Variants in SHISA6 observed in about 807,000 individuals in gnomAD.
SHISA6 encodes the protein shisa family member 6, also known as protein shisa-6.
Under a neutral mutation model 47.9 loss-of-function variants are expected in SHISA6, and 22 were observed. The observed-to-expected ratio is 0.46, with a 90% CI of 0.33 to 0.66. SHISA6 has a LOEUF of 0.66. Ranked by LOEUF, SHISA6 falls within the 30% of genes least tolerant of loss-of-function variation. The pLI is 0.02. For synonymous variants in SHISA6, 388 were observed against 337.8 expected, an observed-to-expected ratio of 1.15 and a Z score of -1.63; for missense variants, 680 against 764.6, an observed-to-expected ratio of 0.89 and a Z score of 1.30.
intron 2 of SHISA6, among the ~76,000 whole-genome samples, chr17:11,353,344 C>T (rs1005457022): frequency 1.3e-5 from 2 of 151,804 alleles, no homozygotes; most frequent in African/African-American, 2.4e-5. Flanking sequence ...GTAGTCCCAG[C>T]TACTCGGGAG....
intron 2 of SHISA6, among the ~76,000 whole-genome samples, chr17:11,349,081 G>A (rs111757142): frequency 3.2e-4 from 48 of 152,310 alleles, no homozygotes; most frequent in African/African-American, 1.1e-3. Flanking sequence ...GGATCCTTTG[G>A]TTTAATTTTA....
chr17:11,293,868 T>A (rs978197294), intron 2 of SHISA6, among the ~76,000 whole-genome samples: 1 of 152,100 alleles, frequency 6.6e-6, no homozygotes, highest in African/African-American at 2.4e-5. Flanking sequence ...CTATTATTAA[T>A]ATCCTTGGTG....
intron 2 of SHISA6, among the ~76,000 whole-genome samples, chr17:11,330,486 T>TAGGG (rs1911058558): frequency 3.3e-5 from 1 of 30,218 alleles, no homozygotes; most frequent in African/African-American, 9.0e-5. Flanking sequence ...AGAGTAATGC[T>TAGGG]AGGGAGAGAG....
chr17:11,398,561 G>T (rs200627351), intron 3 of SHISA6, among the ~76,000 whole-genome samples: 1 of 151,822 alleles, frequency 6.6e-6, no homozygotes, highest in Non-Finnish European at 1.5e-5. Context: ...ATGAACTTCC[G>T]CATTCCGACA....
At chr17:11,515,120 C>G (rs1178088199) in intron 3 of SHISA6, among the ~76,000 whole-genome samples, 1 of 151,786 alleles carries the variant, frequency 6.6e-6, no homozygotes, top group African/African-American at 2.4e-5. Context: ...CCCCTAAATC[C>G]TTCTATCAGT....
chr17:11,554,040 A>G (rs2071953793), intron 4 of SHISA6, among the ~76,000 whole-genome samples: 8 of 152,210 alleles, frequency 5.3e-5, no homozygotes, highest in Admixed American at 5.2e-4. Flanking sequence ...TGGTGGAACA[A>G]GAGTATCCAG....
chr17:11,252,294 T>C (rs760255271), intron 1 of SHISA6, among the ~76,000 whole-genome samples: 9 of 152,244 alleles, frequency 5.9e-5, no homozygotes, highest in Admixed American at 1.3e-4. Flanking sequence ...TTTTGGCATT[T>C]GGTCTCGTGT....
At chr17:11,297,862 T>G (rs1304386326) in intron 2 of SHISA6, among the ~76,000 whole-genome samples, 1 of 152,170 alleles carries the variant, frequency 6.6e-6, no homozygotes, top group East Asian at 1.9e-4. Flanking sequence ...TTCCTTGGTG[T>G]TAGCAGGAGG....
intron 2 of SHISA6, among the ~76,000 whole-genome samples, chr17:11,300,151 A>AAAC (rs1909874734): frequency 4.3e-5 from 1 of 23,240 alleles, no homozygotes; most frequent in Non-Finnish European, 7.2e-5. Flanking sequence ...TCTTAAAACA[A>AAAC]AAAAAAAAAA....
Position 11,349,801 on chromosome 17 carries a change from G to T in SHISA6, c.800-29613G>T, listed in dbSNP as rs541149056. On this transcript the variant is annotated intron_variant, in intron 2 of 5. Transcript: ENST00000441885. ...AAAAGAGAGATTATTCAGATTAAGA[G>T]TTTCAAAGCAATAGGTTGGAAACAG... Among the ~76,000 whole-genome samples the T allele has an allele frequency of 2.1e-4, 32 of 152,278 alleles. 2 individuals carry two copies. The South Asian group carries it at 6.4e-3, about 31-fold the overall frequency.
intron 3 of SHISA6, among the ~76,000 whole-genome samples, chr17:11,406,952 A>C (rs955948405): frequency 6.6e-6 from 1 of 152,178 alleles, no homozygotes; most frequent in Non-Finnish European, 1.5e-5. Context: ...GTGGTTCTGG[A>C]ACGATCCTGC....
Position 11,287,273 on chromosome 17 carries a change from GAAGGAAGGAAGGA to G in SHISA6, c.799+23762_799+23774del, listed in dbSNP as rs769290971. Among the ~76,000 whole-genome samples, 322 of 146,688 alleles carry G rather than the reference GAAGGAAGGAAGGA, an allele frequency of 2.2e-3. 2 individuals are homozygous for G. Among genetic ancestry groups the G allele is most frequent in the Middle Eastern group, 0.017 (5 of 292 alleles). On this transcript the variant is annotated intron_variant, in intron 2 of 5. Coordinates refer to ENST00000441885, the MANE Select transcript of SHISA6 (RefSeq NM_207386.4). Reference sequence around the variant, plus strand: ...GGAGGGAGGGAAGGAAGGAAGCAAGGAAGGAAGGAAGGAAAGGAAGGAAGGAAGGAAGGAAGGG... The same window carrying G: ...GGAGGGAGGGAAGGAAGGAAGCAAGGAAGGAAGGAAGGAAGGAAGGAAGGG...
chr17:11,276,010 G>A (rs925120536), intron 2 of SHISA6, among the ~76,000 whole-genome samples: 1 of 151,468 alleles, frequency 6.6e-6, no homozygotes, highest in Non-Finnish European at 1.5e-5. Flanking sequence ...CAGTCTTGCT[G>A]TGTCACCCAA....
chr17:11,534,130 C>A (rs376162846), intron 3 of SHISA6, among the ~76,000 whole-genome samples: 21 of 151,458 alleles, frequency 1.4e-4, no homozygotes, highest in East Asian at 1.2e-3. Flanking sequence ...CAGGCGCCTG[C>A]CACCATGCCT....
intron 3 of SHISA6, among the ~76,000 whole-genome samples, chr17:11,390,752 G>A (rs1311458175): frequency 6.6e-6 from 1 of 152,102 alleles, no homozygotes; most frequent in Non-Finnish European, 1.5e-5. Flanking sequence ...GAGCTCTGAG[G>A]GAGGATGCAG....
At chr17:11,266,561 T>G (rs1330697136) in intron 2 of SHISA6, among the ~76,000 whole-genome samples, 1 of 152,234 alleles carries the variant, frequency 6.6e-6, no homozygotes, top group Non-Finnish European at 1.5e-5. Context: ...AGTTTCTTTG[T>G]CTGCTATTGA....
intron 3 of SHISA6, among the ~76,000 whole-genome samples, chr17:11,532,969 T>A (rs2071749907): frequency 6.6e-6 from 1 of 152,080 alleles, no homozygotes; most frequent in Non-Finnish European, 1.5e-5. Flanking sequence ...TTCTCAGGGA[T>A]CTGGCAGACT....
At chr17:11,454,077 ATATAAACCAATAAGC>A (rs1184009403) in intron 3 of SHISA6, among the ~76,000 whole-genome samples, 1 of 152,236 alleles carries the variant, frequency 6.6e-6, no homozygotes, top group Non-Finnish European at 1.5e-5. Flanking sequence ...GTGTTGGCTT[ATATAAACCAATAAGC>A]TAAACTGTTT....
intron 3 of SHISA6, among the ~76,000 whole-genome samples, chr17:11,521,914 C>T (rs1417353496): frequency 3.9e-5 from 6 of 151,978 alleles, no homozygotes; most frequent in Admixed American, 1.3e-4. Flanking sequence ...GAGATATATA[C>T]AGTTTTTACA....
Sources: gnomAD v4.1 joint callset for allele counts (sites outside exome capture counted in the v4.1 genomes callset) on GRCh38, gnomAD v4.1.1 for gene constraint, MANE v1.5 for transcripts, NCBI Gene and HGNC (gene_info 2026-07-23, HGNC 2026-07-21) for gene names.